The following ADCY3 variants were observed in gnomAD, a reference collection of about 807,000 sequenced individuals.
ADCY3 encodes the protein adenylate cyclase 3.
A neutral mutation model predicts 119.4 loss-of-function variants in ADCY3; 70 were observed. That is an observed-to-expected ratio of 0.59 (90% confidence interval 0.48 to 0.72). ADCY3 has a LOEUF of 0.72. Among genes scored for constraint, ADCY3 ranks in the 30% least tolerant of loss-of-function variants. ADCY3 has a pLI of 0.00. For synonymous variants in ADCY3, 672 were observed against 621.4 expected (o/e 1.08, Z -1.21); for missense variants, 1,238 against 1,541.6 (o/e 0.80, Z 3.30).
Position 24,872,239 on chromosome 2 carries a change from G to T in ADCY3, c.825+331C>A, listed in dbSNP as rs930392821. On this transcript the variant is annotated intron_variant, in intron 3 of 21. Transcript: ENST00000679454. This position sits in a 1 kb window ranked among gnomAD's most constrained non-coding sequence, Gnocchi z 4.4. ...CGAGAAGGTCATCTGAGAAAGGAAT[G>T]CAGGAAGTCATAGCTGGCTGCTTGG... Among the ~76,000 whole-genome samples the T allele has an allele frequency of 1.3e-5, 2 of 152,234 alleles. No individual in the cohort carries two copies. Among genetic ancestry groups the T allele is most frequent in the South Asian group, 4.1e-4 (2 of 4,830 alleles).
intron 2 of ADCY3, among the ~76,000 whole-genome samples, chr2:24,913,772 G>A (rs1664092691): frequency 6.6e-6 from 1 of 152,184 alleles, no homozygotes; most frequent in Non-Finnish European, 1.5e-5. Flanking sequence ...GTAATTTGCA[G>A]GTGTGAAAGA....
chr2:24,853,008 GTGTGTGTGTGTGTGTGTGTGTGTGT>G lies in ADCY3; in HGVS notation c.826-10649_826-10625del, dbSNP rs1558455209. Among the ~76,000 whole-genome samples, 365 of 87,580 alleles carry G rather than the reference GTGTGTGTGTGTGTGTGTGTGTGTGT, an allele frequency of 4.2e-3. 4 individuals are homozygous for G. Among genetic ancestry groups the G allele is most frequent in the South Asian group, 0.018 (50 of 2,754 alleles). The allele number at this position is 87,580 out of a possible 152,430, so 57.5% of individuals were successfully genotyped here. On this transcript the variant is annotated intron_variant, in intron 3 of 21. Transcript: ENST00000679454. ...TGAAGGAAAGGAACAGCTGGAGGGT[GTGTGTGTGTGTGTGTGTGTGTGTGT>G]GTGTGTGTGTGTGTGTGTGTGTGTG...
At chr2:24,888,993 A>G (rs1677386572) in intron 2 of ADCY3, among the ~76,000 whole-genome samples, 1 of 152,226 alleles carries the variant, frequency 6.6e-6, no homozygotes, top group Admixed American at 6.5e-5. Context: ...TGGGCGACAG[A>G]GCGAGACTCT....
At chr2:24,838,773 C>T (rs1291831308) in intron 7 of ADCY3, 151 bp from the exon 8 acceptor site, 1 of 1,593,206 alleles carries the variant, frequency 6.3e-7, no homozygotes, top group Non-Finnish European at 8.6e-7. Context: ...GCAGTTCTGC[C>T]ACTAACTAGC....
At chr2:24,837,651 G>A (rs1403993142) in intron 8 of ADCY3, among the ~76,000 whole-genome samples, 1 of 152,196 alleles carries the variant, frequency 6.6e-6, no homozygotes, top group Non-Finnish European at 1.5e-5. Flanking sequence ...CTGGAGGAAA[G>A]GGTTTTGACA....
intron 3 of ADCY3, among the ~76,000 whole-genome samples, chr2:24,854,713 T>G (rs1541983): frequency 0.96 from 145,532 of 152,236 alleles, 69,637 homozygotes; most frequent in East Asian, 1. Flanking sequence ...GTTGCGGGGG[T>G]TAGAAGGGGG....
intron 2 of ADCY3, among the ~76,000 whole-genome samples, chr2:24,906,066 G>A (rs895804082): frequency 6.6e-6 from 1 of 152,160 alleles, no homozygotes; most frequent in Non-Finnish European, 1.5e-5. Context: ...CAGCACTTTG[G>A]GAGGCTGAGG....
In ADCY3 at chr2:24,822,547, G is replaced by A. The variant is rs139344556; in HGVS notation, c.2967C>T (p.Pro989=). The A allele has an allele frequency of 6.6e-5, 106 of 1,613,966 alleles. No individual in the cohort carries two copies. The African/African-American group carries it at 1.2e-3, about 19-fold the overall frequency. Residue 989 remains proline (P), a synonymous_variant, in exon 19 of 22, where the codon CCC becomes CCT. Transcript: ENST00000679454. ...STYMAASGVT[P]DVNTNGFASS... is the part of the protein sequence containing the mutation. ...TGGCAAAGCCATTGGTGTTGACATC[G>A]GGGGTGACTCCTGAAGCCGCCATAT...
intron 12 of ADCY3, among the ~76,000 whole-genome samples, 157 bp downstream of exon 12, chr2:24,831,505 G>T (rs1455958019): frequency 6.6e-6 from 1 of 152,256 alleles, no homozygotes; most frequent in African/African-American, 2.4e-5. Flanking sequence ...CTCTGCTGAT[G>T]GTGAATGAAT....
intron 2 of ADCY3, among the ~76,000 whole-genome samples, chr2:24,875,997 C>T (rs573056089): frequency 7.2e-6 from 1 of 139,804 alleles, no homozygotes. Flanking sequence ...GGGAGGGGGG[C>T]GGTGGTGCAG....
rs139667277 is a variant in ADCY3, at chr2:24,915,946, T to C, written c.675+2367A>G. On this transcript the variant is annotated intron_variant, in intron 2 of 21. Transcript: ENST00000679454. ...GGCACCTTTTAAAAAGTCACATTAG[T>C]CCCAAACCAGTGACTCAGAAGCTTC... Among the ~76,000 whole-genome samples the C allele has an allele frequency of 7.2e-3, 1,095 of 152,186 alleles. 9 individuals are homozygous for C. Among genetic ancestry groups the C allele is most frequent in the African/African-American group, 0.025 (1,038 of 41,514 alleles).
chr2:24,834,422 CG>C lies in ADCY3; in HGVS notation c.1967+62del. On this transcript the variant is annotated intron_variant, in intron 11 of 21. Transcript: ENST00000679454. The surrounding 1 kb of genome is among the most constrained non-coding windows in gnomAD (Gnocchi z 4.2). ...AGGCTCCCGCTGAGACACCTGCCCC[CG>C]CCCCCCGCCCGGCACCACCGCAGCC... 8 of 1,001,768 alleles carry C rather than the reference CG, an allele frequency of 8.0e-6. No individual in the cohort carries two copies. Among genetic ancestry groups the C allele is most frequent in the South Asian group, 4.3e-5 (3 of 69,164 alleles). The allele number at this position is 1,001,768 out of a possible 1,614,324, so 62.1% of individuals were successfully genotyped here. A position where few individuals can be genotyped will look rare whatever the true frequency, so the allele number is the denominator to read the frequency against.
chr2:24,830,346 CTTT>C (rs1669318284), intron 13 of ADCY3, among the ~76,000 whole-genome samples: 1 of 152,174 alleles, frequency 6.6e-6, no homozygotes, highest in East Asian at 1.9e-4. Context: ...ACCAATTACC[CTTT>C]TTGAGAGTTA....
At chr2:24,876,520 T>C (rs1369020269) in intron 2 of ADCY3, among the ~76,000 whole-genome samples, 1 of 152,178 alleles carries the variant, frequency 6.6e-6, no homozygotes, top group African/African-American at 2.4e-5. Flanking sequence ...AATGTGTATC[T>C]CACTTAGCAA....
chr2:24,861,784 GC>G, intron 3 of ADCY3, among the ~76,000 whole-genome samples: 1 of 152,282 alleles, frequency 6.6e-6, no homozygotes, highest in Admixed American at 6.5e-5. Context: ...GGATGCACAG[GC>G]CCCAGCCAGC....
At chr2:24,881,714 T>A (rs1676422248) in intron 2 of ADCY3, among the ~76,000 whole-genome samples, 1 of 152,228 alleles carries the variant, frequency 6.6e-6, no homozygotes, top group Non-Finnish European at 1.5e-5. Flanking sequence ...CATTCTCCAC[T>A]GAAGTGTTCC....
Position 24,872,664 on chromosome 2 carries a change from TA to T in ADCY3, c.730del (p.Tyr244ThrfsTer21). On this transcript the variant is annotated frameshift_variant, in exon 3 of 22. Transcript: ENST00000679454. LOFTEE classifies it high-confidence loss of function. This position sits in a 1 kb window ranked among gnomAD's most constrained non-coding sequence, Gnocchi z 4.4. ...GCGGTGCTTGCGGTCAGCCATGTAG[TA>T]GGACATGATGCCCACAGCGATGGCG... ...LCAIAVGIMS[Y>X]YMADRKHRKA... 1 of 1,614,082 alleles carries T rather than the reference TA, an allele frequency of 6.2e-7. No homozygotes were observed. Among genetic ancestry groups the T allele is most frequent in the Non-Finnish European group, 8.5e-7 (1 of 1,180,004 alleles).
At chr2:24,852,377 G>A (rs1251197485) in intron 3 of ADCY3, among the ~76,000 whole-genome samples, 1 of 152,192 alleles carries the variant, frequency 6.6e-6, no homozygotes, top group African/African-American at 2.4e-5. Flanking sequence ...GGCTCCTAGA[G>A]TCCTCCCTGG....
intron 3 of ADCY3, among the ~76,000 whole-genome samples, chr2:24,863,700 T>C (rs1280633383): frequency 6.6e-6 from 1 of 152,228 alleles, no homozygotes; most frequent in Non-Finnish European, 1.5e-5. Flanking sequence ...TTTTTATTTC[T>C]TTATAATTGT....
Sources: allele counts gnomAD v4.1 joint callset (sites outside exome capture counted in the v4.1 genomes callset), GRCh38; gene constraint gnomAD v4.1.1; non-coding constraint Gnocchi (gnomAD v3.1); transcripts MANE v1.5; gene names NCBI Gene and HGNC (gene_info 2026-07-23, HGNC 2026-07-21).